MYO15B: variants seen among roughly 807,000 people sequenced by gnomAD.
MYO15B encodes myosin XVB, also known as myosin XVB pseudogene.
A neutral mutation model predicts 119.3 loss-of-function variants in MYO15B; 207 were observed. That is an observed-to-expected ratio of 1.73 (90% confidence interval 1.55 to 1.95). The LOEUF is 1.95. Among genes scored for constraint, MYO15B ranks in the 30% most tolerant of loss-of-function variants. The probability of loss-of-function intolerance (pLI) is 0.00; values close to 1 mark genes in which losing one functional copy is unlikely to be tolerated. For synonymous variants in MYO15B, 966 were observed against 498.9 expected (o/e 1.94, Z -12.48); for missense variants, 2,264 against 1,203.1 (o/e 1.88, Z -13.04).
In MYO15B at chr17:75,610,885, C is replaced by A. The variant is rs560020134; in HGVS notation, c.4387-15C>A. ...ACATGGGAGGCATCAGCTCTTCCCA[C>A]ATCTCTTCCAACAGCTTGGGCGTTG... On this transcript the variant is annotated splice_polypyrimidine_tract_variant and intron_variant, in intron 22 of 63. Coordinates refer to ENST00000645453, the Ensembl canonical transcript of MYO15B. 1.4e-6 allele frequency: 1 copy of A among 702,970 alleles called. No homozygotes were observed. Among genetic ancestry groups the A allele is most frequent in the African/African-American group, 1.7e-5 (1 of 57,408 alleles). 43.5% of individuals were successfully genotyped at this position (702,970 alleles called of 1,614,324 possible).
chr17:75,608,726 T>TTTGTTGTTG (rs141390322), intron 21 of MYO15B, among the ~76,000 whole-genome samples: 13 of 151,594 alleles, frequency 8.6e-5, no homozygotes, highest in African/African-American at 3.1e-4. Flanking sequence ...CCCGGCTAAT[T>TTTGTTGTTG]TTGTTGTTGT....
rs1158358156 is a variant in MYO15B, at chr17:75,592,228, G to T, written c.2652-10G>T. 1 of 702,744 alleles carries T rather than the reference G, an allele frequency of 1.4e-6. No homozygotes were observed. The highest frequency in any genetic ancestry group is 1.5e-5 in the South Asian group (1 of 67,596). 43.5% of individuals were successfully genotyped at this position (702,744 alleles called of 1,614,324 possible). Reference sequence around the variant, plus strand: ...TCCTGGGCACTCACACCCATCTTCTGTGCCCACAGAGGGGTCATCGTGGGA... The same window carrying T: ...TCCTGGGCACTCACACCCATCTTCTTTGCCCACAGAGGGGTCATCGTGGGA... On this transcript the variant is annotated splice_polypyrimidine_tract_variant and intron_variant, in intron 6 of 63. Coordinates refer to ENST00000645453, the Ensembl canonical transcript of MYO15B.
Position 75,588,124 on chromosome 17 carries a change from C to T in MYO15B, c.67C>T (p.Gln23Ter). ...GCCCGGGAGGCCGGCCTCAGGGGAG[C>T]AGGAGTCGGGGTCGGCCAGCGCGGA... Residue 23 changes from glutamine to a stop codon, truncating the protein, a stop_gained, in exon 1 of 64, where the codon CAG becomes TAG. Coordinates refer to ENST00000645453, the Ensembl canonical transcript of MYO15B. LOFTEE classifies it high-confidence loss of function. 1 of 398,250 alleles carries T rather than the reference C, an allele frequency of 2.5e-6. No homozygotes were observed. 24.7% of individuals were successfully genotyped at this position (398,250 alleles called of 1,614,324 possible).
intron 31 of MYO15B, 30 bp downstream of exon 31, chr17:75,614,713 G>C (rs2058256811): frequency 2.8e-6 from 2 of 702,648 alleles, no homozygotes; most frequent in Non-Finnish European, 5.2e-6. Flanking sequence ...ATGGAGGTTG[G>C]CAGAGCATGG....
At chr17:75,618,758 T>A (rs1047146424) in intron 43 of MYO15B, among the ~76,000 whole-genome samples, 3 of 148,404 alleles carry the variant, frequency 2.0e-5, no homozygotes, top group Non-Finnish European at 4.5e-5. Context: ...AGGTACTTAA[T>A]AAATGGTTGT....
chr17:75,615,488 C>A lies in MYO15B; in HGVS notation c.5741-15C>A. The A allele has an allele frequency of 1.5e-6, 1 of 684,988 alleles. No individual in the cohort carries two copies. The allele number at this position is 684,988 out of a possible 1,614,324, so 42.4% of individuals were successfully genotyped here. A position where few individuals can be genotyped will look rare whatever the true frequency, so the allele number is the denominator to read the frequency against. On this transcript the variant is annotated splice_polypyrimidine_tract_variant and intron_variant, in intron 34 of 63. Transcript: ENST00000645453. The stretch of plus-strand genomic sequence containing the variant: ...CCATGGTGCCCACCACTCTGGCCGC[C>A]TGCCGCCCTCACAGCCATGGTGGTG...
intron 21 of MYO15B, among the ~76,000 whole-genome samples, chr17:75,607,953 T>C (rs553988541): frequency 6.6e-6 from 1 of 152,328 alleles, no homozygotes; most frequent in Non-Finnish European, 1.5e-5. Context: ...CCAGTACTTA[T>C]TCTTTTCCAT....
chr17:75,593,815 A>G (rs976266545), intron 9 of MYO15B, among the ~76,000 whole-genome samples: 2 of 151,976 alleles, frequency 1.3e-5, no homozygotes, highest in Non-Finnish European at 2.9e-5. Flanking sequence ...GCTACTTAGG[A>G]GGCTGAGACA....
chr17:75,624,473 G>A (rs1231700854), intron 57 of MYO15B, 26 bp downstream of exon 57: 2 of 702,984 alleles, frequency 2.8e-6, no homozygotes, highest in Non-Finnish European at 5.2e-6. Context: ...ACCAAGGGAG[G>A]AGGCCTTGGG....
exon 14 of MYO15B, chr17:75,596,790 T>C (rs2056891139): frequency 1.4e-6 from 1 of 701,030 alleles, no homozygotes; most frequent in Non-Finnish European, 2.6e-6. Flanking sequence ...CGGGAGTTGC[T>C]GTCCTGGGTG....
exon 32 of MYO15B, chr17:75,614,823 C>A (rs758250565): frequency 1.4e-6 from 1 of 702,728 alleles, no homozygotes; most frequent in Non-Finnish European, 2.6e-6. Flanking sequence ...CCAGATCTTC[C>A]AGCCAGTGAT....
At chr17:75,626,096 C>T in exon 63 of MYO15B, 1 of 703,018 alleles carries the variant, frequency 1.4e-6, no homozygotes. Context: ...AGAGCCTGTA[C>T]TGCCGCATTG....
chr17:75,592,126 C>G (rs1380042236), intron 6 of MYO15B, 46 bp downstream of exon 6: 4 of 702,072 alleles, frequency 5.7e-6, no homozygotes, highest in African/African-American at 5.2e-5. Flanking sequence ...CTTACCCTTC[C>G]TGGGTCCTTG....
chr17:75,623,082 A>G (rs941244069), intron 53 of MYO15B, among the ~76,000 whole-genome samples: 1 of 152,262 alleles, frequency 6.6e-6, no homozygotes, highest in Non-Finnish European at 1.5e-5. Flanking sequence ...CTGTAACCCC[A>G]GCACTTTGGG....
intron 21 of MYO15B, among the ~76,000 whole-genome samples, chr17:75,608,327 C>T (rs1283289827): frequency 6.6e-6 from 1 of 151,990 alleles, no homozygotes; most frequent in African/African-American, 2.4e-5. Flanking sequence ...CTATGTTGGC[C>T]AGGCTGGTCT....
At chr17:75,620,744 G>A (rs1306858078) in intron 49 of MYO15B, 108 bp downstream of exon 49, 2 of 696,968 alleles carry the variant, frequency 2.9e-6, no homozygotes, top group East Asian at 2.7e-5. Context: ...CCACCCTGCT[G>A]TCCGTCTCCT....
At chr17:75,625,081 C>A (rs1215010808) in intron 59 of MYO15B, 42 bp from the exon 60 acceptor site, 4 of 666,610 alleles carry the variant, frequency 6.0e-6, no homozygotes, top group South Asian at 4.8e-5. Context: ...TGATGGGGGG[C>A]TTTGGACCAC....
intron 2 of MYO15B, 81 bp from the exon 3 acceptor site, chr17:75,590,824 CAG>C (rs1598688094): frequency 4.2e-6 from 1 of 235,386 alleles, no homozygotes; most frequent in Admixed American, 5.4e-5. Flanking sequence ...TGGAGCCCTG[CAG>C]AGTGGGACTG....
chr17:75,603,423 T>A, intron 19 of MYO15B, 111 bp downstream of exon 19: 1 of 627,720 alleles, frequency 1.6e-6, no homozygotes, highest in South Asian at 1.8e-5. Flanking sequence ...GGACTGGGCC[T>A]AGCACCCAAC....
Sources: gnomAD v4.1 joint callset for allele counts (sites outside exome capture counted in the v4.1 genomes callset) on GRCh38, gnomAD v4.1.1 for gene constraint, MANE v1.5 for transcripts, NCBI Gene and HGNC (gene_info 2026-07-23, HGNC 2026-07-21) for gene names.